Variants in NDUFA10 observed in about 807,000 individuals in gnomAD.
The protein encoded by NDUFA10 is NADH dehydrogenase [ubiquinone] 1 alpha subcomplex subunit 10, mitochondrial.
In NDUFA10, 40 loss-of-function variants were observed where a neutral mutation model predicts 47.8. That is an observed-to-expected ratio of 0.84 (90% CI 0.65 to 1.09). The LOEUF is 1.09. Among genes scored for constraint, NDUFA10 ranks in the 50% least tolerant of loss-of-function variants. NDUFA10 has a pLI of 0.00. For synonymous variants in NDUFA10, 183 were observed against 172.2 expected, an observed-to-expected ratio of 1.06 and a Z score of -0.49; for missense variants, 413 against 451.1, an observed-to-expected ratio of 0.92 and a Z score of 0.76.
chr2:239,951,844 G>A lies in NDUFA10; in HGVS notation c.294+38230C>T, dbSNP rs183921690. 2.5e-3 allele frequency among the ~76,000 whole-genome samples: 385 copies of A among 152,382 alleles called. 1 individual carries two copies. Among genetic ancestry groups the A allele is most frequent in the Admixed American group, 7.0e-3 (107 of 15,310 alleles). On this transcript the variant is annotated intron_variant, in intron 4 of 5. Coordinates refer to the NDUFA10 transcript ENST00000419408. ...GTCCCAACGGCACACCGAGGCCTCC[G>A]GCCTGGCCATGCCCTGGGCAGCGGG...
chr2:239,913,036 G>A (rs1033063580), intron 4 of NDUFA10, among the ~76,000 whole-genome samples: 9 of 150,972 alleles, frequency 6.0e-5, no homozygotes, highest in Non-Finnish European at 1.5e-5. Context: ...CTCTGGCAAG[G>A]GGAGGATTTC....
At chr2:239,944,625 C>A (rs1056932144) in intron 4 of NDUFA10, among the ~76,000 whole-genome samples, 1 of 152,148 alleles carries the variant, frequency 6.6e-6, no homozygotes. Flanking sequence ...GACTCAGAAC[C>A]GACAAAAACT....
At chr2:240,017,839 C>G in intron 4 of NDUFA10, 1 of 1,566,348 alleles carries the variant, frequency 6.4e-7, no homozygotes, top group Admixed American at 1.9e-5. Flanking sequence ...CCTCCTCTTT[C>G]ATTAATCAAC....
At chr2:239,955,050 C>T (rs949905569), downstream of NDUFA10, among the ~76,000 whole-genome samples, 2 of 152,344 alleles carry the variant, frequency 1.3e-5, no homozygotes, top group Admixed American at 1.3e-4. Flanking sequence ...CAGAAGGGTT[C>T]ATTTGAATTT....
intron 4 of NDUFA10, among the ~76,000 whole-genome samples, chr2:239,943,530 T>C (rs554091245): frequency 1.3e-5 from 2 of 152,212 alleles, no homozygotes; most frequent in South Asian, 4.1e-4. Context: ...GTGTATGGCC[T>C]TGTTTGTTTT....
intron 4 of NDUFA10, chr2:240,017,834 T>C: frequency 1.3e-6 from 2 of 1,564,448 alleles, no homozygotes; most frequent in Non-Finnish European, 1.7e-6. Context: ...TTCGGCCTCC[T>C]CTTTCATTAA....
intron 8 of NDUFA10, among the ~76,000 whole-genome samples, chr2:239,994,972 T>C (rs1696406193): frequency 6.6e-6 from 1 of 152,192 alleles, no homozygotes; most frequent in South Asian, 2.1e-4. Context: ...AGTGATTTTA[T>C]AGCTTATAAA....
intron 4 of NDUFA10, among the ~76,000 whole-genome samples, chr2:239,933,767 G>A (rs1694217788): frequency 6.6e-6 from 1 of 152,092 alleles, no homozygotes; most frequent in African/African-American, 2.4e-5. Context: ...GTGAAACAGG[G>A]GCACGTCCCA....
At chr2:239,907,774 T>C (rs1249426794) in intron 4 of NDUFA10, among the ~76,000 whole-genome samples, 3 of 152,090 alleles carry the variant, frequency 2.0e-5, no homozygotes, top group South Asian at 2.1e-4. Flanking sequence ...TGTGGAGAAA[T>C]AGGAACACTT....
chr2:240,007,316 CT>C lies in NDUFA10; in HGVS notation c.803del (p.Lys268ArgfsTer3). 3.8e-6 allele frequency: 6 copies of C among 1,585,038 alleles called. No homozygotes were observed. The highest frequency in any genetic ancestry group is 1.1e-5 in the South Asian group (1 of 90,396). ...TTCAACTTTTCAACCATTTTCTTAC[CT>C]TTTTTGAATCTTGAGCTTCCCTTGC... is the stretch of plus-strand genomic sequence containing the variant. ...YSAREAQDSK[K>X]VVEDIEYLKF... is the part of the protein sequence containing the mutation. On this transcript the variant is annotated frameshift_variant and splice_region_variant, in exon 7 of 10. Transcript: ENST00000252711. LOFTEE classifies it high-confidence loss of function.
chr2:239,930,583 T>G (rs935156769), intron 4 of NDUFA10, among the ~76,000 whole-genome samples: 3 of 151,830 alleles, frequency 2.0e-5, no homozygotes, highest in African/African-American at 7.3e-5. Flanking sequence ...CCCAAAGAGC[T>G]CTACAGACTC....
rs536438944 is a variant in NDUFA10, at chr2:239,909,428, T to C, written c.295-14114A>G. On this transcript the variant is annotated intron_variant, in intron 4 of 5. Coordinates refer to the NDUFA10 transcript ENST00000419408. ...GAGTTCGAGACCAGTCTGGCCAACA[T>C]AGTGAAACCCCGTCTCTACTAAACA... Among the ~76,000 whole-genome samples, 6 of 152,112 alleles carry C rather than the reference T, an allele frequency of 3.9e-5. No individual in the cohort carries two copies. The East Asian group carries it at 7.8e-4, about 20-fold the overall frequency.
At chr2:239,941,061 A>G (rs1694352267) in intron 4 of NDUFA10, among the ~76,000 whole-genome samples, 1 of 152,242 alleles carries the variant, frequency 6.6e-6, no homozygotes, top group Non-Finnish European at 1.5e-5. Context: ...GAAACTGGAC[A>G]GCAGCAAGGT....
At chr2:239,948,921 G>C (rs188435914) in intron 4 of NDUFA10, among the ~76,000 whole-genome samples, 15 of 152,330 alleles carry the variant, frequency 9.8e-5, no homozygotes, top group Admixed American at 4.6e-4. Context: ...AGAAGAGAAG[G>C]CTCTCTACTT....
At chr2:239,990,046 C>A (rs750583575) in intron 9 of NDUFA10, 28 bp downstream of exon 9, 1 of 1,529,146 alleles carries the variant, frequency 6.5e-7, no homozygotes, top group East Asian at 2.2e-5. Context: ...CATCCACTGG[C>A]CAGCTTTCTC....
chr2:239,969,501 G>C, intron 9 of NDUFA10: 1 of 368,060 alleles, frequency 2.7e-6, no homozygotes, highest in South Asian at 2.0e-5. Context: ...TGCCTGGTCA[G>C]TGATGGAGCA....
intron 4 of NDUFA10, among the ~76,000 whole-genome samples, chr2:239,921,522 C>T (rs1693982658): frequency 1.3e-5 from 2 of 152,212 alleles, no homozygotes; most frequent in African/African-American, 2.4e-5. Context: ...GCTGATTGGT[C>T]CATTTTACAG....
chr2:239,909,952 GA>G (rs199519387), intron 4 of NDUFA10, among the ~76,000 whole-genome samples: 3,439 of 113,200 alleles, frequency 0.03, 57 homozygotes, highest in African/African-American at 0.063. Flanking sequence ...GCAAACATAT[GA>G]AAAAAAAAAA....
Position 240,022,460 on chromosome 2 carries a change from T to A in NDUFA10, c.76-120A>T, listed in dbSNP as rs1007280777. 3 of 1,411,992 alleles carry A rather than the reference T, an allele frequency of 2.1e-6. No individual in the cohort carries two copies. The Admixed American group carries it at 5.9e-5, about 28-fold the overall frequency. The allele number at this position is 1,411,992 out of a possible 1,614,324, so 87.5% of individuals were successfully genotyped here. ...AGTGATAAAAATGCCAACATCTACA[T>A]CTTTATTGCCTATTAATTTGTTTAA... On this transcript the variant is annotated intron_variant, in intron 1 of 9. Coordinates refer to ENST00000252711, the MANE Select transcript of NDUFA10 (RefSeq NM_004544.4).
Sources: gnomAD v4.1 joint callset for allele counts (sites outside exome capture counted in the v4.1 genomes callset) on GRCh38, gnomAD v4.1.1 for gene constraint, MANE v1.5 for transcripts, NCBI Gene and HGNC (gene_info 2026-07-23, HGNC 2026-07-21) for gene names.